Variants in ROR1 observed in about 807,000 individuals in gnomAD.
ROR1 encodes ROR family WNT receptor 1.
Under a neutral mutation model 78.8 loss-of-function variants are expected in ROR1, and 19 were observed. The observed-to-expected ratio is 0.24, with a 90% CI of 0.17 to 0.35. The LOEUF (loss-of-function observed/expected upper bound fraction) is 0.35. Among genes scored for constraint, ROR1 ranks in the 10% least tolerant of loss-of-function variants. ROR1 has a pLI of 1.00. For missense variants in ROR1, 917 were observed against 1,177.8 expected (o/e 0.78, Z 3.24); for synonymous variants, 386 against 433.6 (o/e 0.89, Z 1.36).
At chr1:63,872,925 T>C (rs1457325284) in intron 1 of ROR1, among the ~76,000 whole-genome samples, 1 of 152,164 alleles carries the variant, frequency 6.6e-6, no homozygotes, top group Non-Finnish European at 1.5e-5. Flanking sequence ...TCTCTTTTGG[T>C]TCCTCAAACC....
intron 1 of ROR1, among the ~76,000 whole-genome samples, chr1:63,862,391 CAAAAAAA>C (rs1164915396): frequency 3.5e-5 from 2 of 56,806 alleles, no homozygotes; most frequent in Non-Finnish European, 7.2e-5. Context: ...GAGACTGTCT[CAAAAAAA>C]AAAAAAAAAA....
chr1:64,021,173 C>G (rs1646562622), intron 2 of ROR1, among the ~76,000 whole-genome samples: 1 of 152,086 alleles, frequency 6.6e-6, no homozygotes, highest in Non-Finnish European at 1.5e-5. Flanking sequence ...AAAGTCAGAC[C>G]AGACGAACTC....
intron 1 of ROR1, among the ~76,000 whole-genome samples, chr1:63,996,941 A>T (rs1412930325): frequency 6.6e-6 from 1 of 152,168 alleles, no homozygotes; most frequent in Non-Finnish European, 1.5e-5. Context: ...CAACCAGGGT[A>T]TGATTATCTC....
chr1:64,121,387 CAG>C (rs1648537787), intron 4 of ROR1, among the ~76,000 whole-genome samples: 1 of 152,044 alleles, frequency 6.6e-6, no homozygotes, highest in Non-Finnish European at 1.5e-5. Flanking sequence ...AGCTGGTGGT[CAG>C]TTAATGTAAG....
At chr1:64,000,846 G>C (rs1425206599) in intron 1 of ROR1, among the ~76,000 whole-genome samples, 1 of 152,186 alleles carries the variant, frequency 6.6e-6, no homozygotes, top group African/African-American at 2.4e-5. Context: ...TTAGAACCCT[G>C]TGCCTACCTC....
chr1:63,977,365 G>A (rs1313436769), intron 1 of ROR1, among the ~76,000 whole-genome samples: 1 of 152,108 alleles, frequency 6.6e-6, no homozygotes. Flanking sequence ...ATGAAGTCGG[G>A]TGTGGAATTT....
intron 1 of ROR1, among the ~76,000 whole-genome samples, chr1:63,862,411 A>G (rs1340142611): frequency 2.6e-5 from 4 of 151,858 alleles, no homozygotes; most frequent in East Asian, 3.9e-4. Flanking sequence ...AAAAAAAAAA[A>G]AAAGAAATAC....
chr1:63,888,907 G>A (rs855844), intron 1 of ROR1, among the ~76,000 whole-genome samples: 113,174 of 152,080 alleles, frequency 0.74, 47,905 homozygotes, highest in East Asian at 0.99. Context: ...CCAAAATTTA[G>A]CAGGTTAAAC....
chr1:63,879,355 T>C (rs921508482), intron 1 of ROR1, among the ~76,000 whole-genome samples: 2 of 151,878 alleles, frequency 1.3e-5, no homozygotes, highest in Non-Finnish European at 2.9e-5. Context: ...AGGGACAGAG[T>C]TTGTGAGAGG....
chr1:63,897,319 A>C (rs1645448201), intron 1 of ROR1, among the ~76,000 whole-genome samples: 1 of 152,246 alleles, frequency 6.6e-6, no homozygotes, highest in Admixed American at 6.5e-5. Context: ...TTTATTGAGA[A>C]CCTATGAAAT....
chr1:64,105,050 A>G (rs1439220613), intron 4 of ROR1, among the ~76,000 whole-genome samples: 1 of 152,218 alleles, frequency 6.6e-6, no homozygotes, highest in Non-Finnish European at 1.5e-5. Flanking sequence ...GTCTTCCACA[A>G]TGGTTGAACT....
intron 7 of ROR1, among the ~76,000 whole-genome samples, chr1:64,152,324 C>G (rs963210427): frequency 6.6e-6 from 1 of 152,178 alleles, no homozygotes; most frequent in Non-Finnish European, 1.5e-5. Flanking sequence ...TAGGTGTTTC[C>G]TAGTCCTTTA....
chr1:63,833,728 G>A (rs188288274), intron 1 of ROR1, among the ~76,000 whole-genome samples: 5 of 152,038 alleles, frequency 3.3e-5, no homozygotes, highest in African/African-American at 9.6e-5. Context: ...GTAAATTTCA[G>A]ACAGAAACAA....
chr1:63,988,021 A>G (rs1009989032), intron 1 of ROR1, among the ~76,000 whole-genome samples: 2 of 152,222 alleles, frequency 1.3e-5, no homozygotes, highest in African/African-American at 2.4e-5. Flanking sequence ...CAGGGCCTTC[A>G]TTAATTCTTG....
chr1:64,097,496 G>T (rs1293145962), intron 4 of ROR1, among the ~76,000 whole-genome samples: 1 of 151,624 alleles, frequency 6.6e-6, no homozygotes, highest in African/African-American at 2.4e-5. Context: ...ACATTTTTAG[G>T]GGCCTTTATT....
At chr1:64,143,054 C>T (rs539203231) in intron 7 of ROR1, 2 of 1,059,758 alleles carry the variant, frequency 1.9e-6, no homozygotes, top group South Asian at 6.7e-5. Flanking sequence ...AAGAACACCA[C>T]AAGGCAGGAT....
At chr1:63,839,616 C>T (rs748370308) in intron 1 of ROR1, among the ~76,000 whole-genome samples, 2 of 152,022 alleles carry the variant, frequency 1.3e-5, no homozygotes, top group Non-Finnish European at 2.9e-5. Flanking sequence ...GACTAGGGCT[C>T]ATATTATAAA....
chr1:63,913,239 C>T (rs1645584992), intron 1 of ROR1, among the ~76,000 whole-genome samples: 1 of 152,070 alleles, frequency 6.6e-6, no homozygotes, highest in Non-Finnish European at 1.5e-5. Flanking sequence ...GTAGAATAGA[C>T]ATGTGTAATA....
chr1:63,904,582 T>C (rs1569887355), intron 1 of ROR1, among the ~76,000 whole-genome samples: 1 of 152,220 alleles, frequency 6.6e-6, no homozygotes, highest in East Asian at 1.9e-4. Flanking sequence ...TCTCTTTAAA[T>C]TCGTATATTG....
Sources: gnomAD v4.1 joint callset for allele counts (sites outside exome capture counted in the v4.1 genomes callset) on GRCh38, gnomAD v4.1.1 for gene constraint, MANE v1.5 for transcripts, NCBI Gene and HGNC (gene_info 2026-07-23, HGNC 2026-07-21) for gene names.